KCTD8: variants seen among roughly 807,000 people sequenced by gnomAD.
The protein encoded by KCTD8 is potassium channel tetramerization domain containing 8.
In KCTD8, 27 loss-of-function variants were observed where a neutral mutation model predicts 31.5. The observed-to-expected ratio is 0.86, with a 90% CI of 0.63 to 1.18. The LOEUF is 1.18. Ranked by LOEUF, KCTD8 falls within the 50% of genes most tolerant of loss-of-function variation. The probability of loss-of-function intolerance (pLI) is 0.00; values close to 1 mark genes in which losing one functional copy is unlikely to be tolerated. For missense variants in KCTD8, 658 were observed against 647.7 expected, an observed-to-expected ratio of 1.02 and a Z score of -0.17; for synonymous variants, 290 against 280.0, an observed-to-expected ratio of 1.04 and a Z score of -0.36.
At chr4:44,408,182 G>A (rs779010080) in intron 1 of KCTD8, among the ~76,000 whole-genome samples, 1 of 152,068 alleles carries the variant, frequency 6.6e-6, no homozygotes, top group Non-Finnish European at 1.5e-5. Context: ...AGAAAATACT[G>A]CCTAATTCTA....
chr4:44,210,707 C>T (rs1274347667), intron 1 of KCTD8, among the ~76,000 whole-genome samples: 1 of 152,100 alleles, frequency 6.6e-6, no homozygotes, highest in Non-Finnish European at 1.5e-5. Context: ...TGAGACACAA[C>T]CTCATTTATG....
At chr4:44,393,170 G>GAAGA (rs1218094186) in intron 1 of KCTD8, among the ~76,000 whole-genome samples, 5 of 151,974 alleles carry the variant, frequency 3.3e-5, no homozygotes, top group African/African-American at 4.8e-5. Context: ...TGGCCTTATA[G>GAAGA]AAGTGTGGTA....
chr4:44,269,281 C>A (rs902279777), intron 1 of KCTD8, among the ~76,000 whole-genome samples: 2 of 152,046 alleles, frequency 1.3e-5, no homozygotes, highest in African/African-American at 2.4e-5. Flanking sequence ...GAAAAACAAG[C>A]AATGGGGAAA....
chr4:44,397,515 G>C (rs1164038053), intron 1 of KCTD8, among the ~76,000 whole-genome samples: 1 of 152,060 alleles, frequency 6.6e-6, no homozygotes, highest in Non-Finnish European at 1.5e-5. Flanking sequence ...ATACACAAAA[G>C]ACAATAATTA....
intron 1 of KCTD8, among the ~76,000 whole-genome samples, chr4:44,227,304 C>G (rs946232225): frequency 6.6e-6 from 1 of 152,182 alleles, no homozygotes; most frequent in Non-Finnish European, 1.5e-5. Context: ...GGAATCCTTT[C>G]TCCATTACTT....
intron 1 of KCTD8, among the ~76,000 whole-genome samples, chr4:44,397,818 C>T (rs1720544237): frequency 6.6e-6 from 1 of 152,020 alleles, no homozygotes; most frequent in African/African-American, 2.4e-5. Flanking sequence ...TGCGAGAAAA[C>T]ATTACAAGAA....
chr4:44,272,073 G>A, intron 1 of KCTD8, among the ~76,000 whole-genome samples: 1 of 150,780 alleles, frequency 6.6e-6, no homozygotes, highest in East Asian at 1.9e-4. Flanking sequence ...CATACATTGA[G>A]TGTCAACACA....
At chr4:44,264,558 G>A (rs879824169) in intron 1 of KCTD8, among the ~76,000 whole-genome samples, 35 of 152,310 alleles carry the variant, frequency 2.3e-4, no homozygotes, top group Admixed American at 6.5e-4. Flanking sequence ...GCAGTGCACC[G>A]TGTGTGAGCC....
At chr4:44,242,300 C>T (rs561179787) in intron 1 of KCTD8, among the ~76,000 whole-genome samples, 48 of 152,216 alleles carry the variant, frequency 3.2e-4, no homozygotes, top group African/African-American at 1.1e-3. Flanking sequence ...GTTGATAGGC[C>T]GGGCGCGGTG....
Position 44,299,478 on chromosome 4 carries a change from C to T in KCTD8, c.962-124228G>A, listed in dbSNP as rs1176485041. Among the ~76,000 whole-genome samples, 3 of 152,108 alleles carry T rather than the reference C, an allele frequency of 2.0e-5. No homozygotes were observed. The South Asian group carries it at 6.2e-4, about 32-fold the overall frequency. Reference sequence around the variant, plus strand: ...GGGCGCGGTGGCTCACGCCTGTAATCCCAGCACTTTGGGAGGCCAAGGCAG... The same window carrying T: ...GGGCGCGGTGGCTCACGCCTGTAATTCCAGCACTTTGGGAGGCCAAGGCAG... On this transcript the variant is annotated intron_variant, in intron 1 of 1. Coordinates refer to ENST00000360029, the MANE Select transcript of KCTD8 (RefSeq NM_198353.3).
intron 1 of KCTD8, among the ~76,000 whole-genome samples, chr4:44,299,967 G>A (rs12643760): frequency 0.27 from 40,297 of 151,350 alleles, 5,748 homozygotes; most frequent in East Asian, 0.39. Context: ...TAGCCAGGAT[G>A]GTCTCAATCT....
chr4:44,347,780 G>T (rs1719072189), intron 1 of KCTD8, among the ~76,000 whole-genome samples: 1 of 152,114 alleles, frequency 6.6e-6, no homozygotes, highest in Non-Finnish European at 1.5e-5. Flanking sequence ...AATCAGCTGT[G>T]AATTTAGCAG....
intron 1 of KCTD8, among the ~76,000 whole-genome samples, chr4:44,274,106 C>G (rs2109374310): frequency 6.6e-6 from 1 of 151,800 alleles, no homozygotes; most frequent in East Asian, 1.9e-4. Context: ...AACATTTGGC[C>G]AAATTTAGAT....
In KCTD8 at chr4:44,193,558, A is replaced by G. The variant is rs183612196; in HGVS notation, c.962-18308T>C. Among the ~76,000 whole-genome samples, 290 of 152,266 alleles carry G rather than the reference A, an allele frequency of 1.9e-3. 1 individual carries two copies. The highest frequency in any genetic ancestry group is 6.5e-3 in the African/African-American group (269 of 41,556). Reference sequence around the variant, plus strand: ...CATATCTGAACATTTGGGGATAAAAATGTGCTTAACTATACTTGAGTATTA... The same window carrying G: ...CATATCTGAACATTTGGGGATAAAAGTGTGCTTAACTATACTTGAGTATTA... On this transcript the variant is annotated intron_variant, in intron 1 of 1. Coordinates refer to ENST00000360029, the MANE Select transcript of KCTD8 (RefSeq NM_198353.3).
intron 1 of KCTD8, among the ~76,000 whole-genome samples, chr4:44,198,561 C>T (rs1481104555): frequency 6.6e-6 from 1 of 152,116 alleles, no homozygotes; most frequent in Non-Finnish European, 1.5e-5. Flanking sequence ...CCAAGCTAAG[C>T]TTCATAAGAG....
At chr4:44,182,491 C>CA (rs1713454792) in intron 1 of KCTD8, among the ~76,000 whole-genome samples, 2 of 152,312 alleles carry the variant, frequency 1.3e-5, no homozygotes, top group East Asian at 3.9e-4. Context: ...ACCTTACCCC[C>CA]AACCATGCAC....
At chr4:44,300,523 C>T (rs1454139609) in intron 1 of KCTD8, among the ~76,000 whole-genome samples, 2 of 151,832 alleles carry the variant, frequency 1.3e-5, no homozygotes, top group Admixed American at 6.6e-5. Context: ...TTCTGTATTG[C>T]CATCTCTTTT....
intron 1 of KCTD8, among the ~76,000 whole-genome samples, chr4:44,351,242 A>G (rs1465372361): frequency 6.6e-6 from 1 of 152,170 alleles, no homozygotes; most frequent in Non-Finnish European, 1.5e-5. Flanking sequence ...TTTCAGCACC[A>G]GGAACAGCTC....
chr4:44,263,107 T>G (rs1024827375), intron 1 of KCTD8, among the ~76,000 whole-genome samples: 2 of 152,136 alleles, frequency 1.3e-5, no homozygotes, highest in African/African-American at 4.8e-5. Context: ...CCTCTCCCAC[T>G]GCAGCAACGG....
Sources: gnomAD v4.1 joint callset for allele counts (sites outside exome capture counted in the v4.1 genomes callset) on GRCh38, gnomAD v4.1.1 for gene constraint, MANE v1.5 for transcripts, NCBI Gene and HGNC (gene_info 2026-07-23, HGNC 2026-07-21) for gene names.